Variants in FBRSL1 observed in about 807,000 individuals in gnomAD.
FBRSL1 encodes fibrosin-1-like protein.
FBRSL1 carries 51 observed loss-of-function variants against 89.6 expected under a neutral mutation model. The ratio of observed to expected loss-of-function variants is 0.57; its 90% CI spans 0.45 to 0.72. FBRSL1 has a LOEUF of 0.72. Among genes scored for constraint, FBRSL1 ranks in the 30% least tolerant of loss-of-function variants. The probability of loss-of-function intolerance (pLI) is 0.00; values close to 1 mark genes in which losing one functional copy is unlikely to be tolerated. For missense variants in FBRSL1, 1,618 were observed against 1,451.8 expected (o/e 1.11, Z -1.86); for synonymous variants, 779 against 681.1 (o/e 1.14, Z -2.24).
intron 5 of FBRSL1, among the ~76,000 whole-genome samples, chr12:132,564,324 TGA>T (rs2039406890): frequency 6.6e-6 from 1 of 152,172 alleles, no homozygotes; most frequent in Non-Finnish European, 1.5e-5. Context: ...GCTCCCACAG[TGA>T]GGACCTAGTA....
rs539563100 is a variant in FBRSL1, at chr12:132,525,618, G to T, written c.490-116G>T. The T allele has an allele frequency of 1.5e-5, 12 of 802,398 alleles. No homozygotes were observed. In the South Asian group the frequency reaches 1.8e-4, roughly 12 times the overall value. The allele number at this position is 802,398 out of a possible 1,614,324, so 49.7% of individuals were successfully genotyped here. A position where few individuals can be genotyped will look rare whatever the true frequency, so the allele number is the denominator to read the frequency against. On this transcript the variant is annotated intron_variant, in intron 2 of 18. Transcript: ENST00000680143. ...CAAAGCGCCCAGCGGCTGTCGGGGC[G>T]CCTGGGGCCGGGGTGCTGGGGTGCC...
Position 132,576,950 on chromosome 12 carries a change from C to G in FBRSL1, c.1834+19C>G. The G allele has an allele frequency of 1.3e-6, 2 of 1,542,392 alleles. No individual in the cohort carries two copies. The highest frequency in any genetic ancestry group is 1.8e-6 in the Non-Finnish European group (2 of 1,141,916). ...AGCACAGGTGAGACTGGAGTCGGGCCAGGTGGGGGGCACAGAAACCTCCCG... is the reference window on the plus strand; with the variant it reads ...AGCACAGGTGAGACTGGAGTCGGGCGAGGTGGGGGGCACAGAAACCTCCCG... On this transcript the variant is annotated intron_variant, in intron 15 of 18. Coordinates refer to ENST00000680143, the MANE Select transcript of FBRSL1 (RefSeq NM_001367871.1).
At position 132,564,077 on chromosome 12, in the gene FBRSL1, G is replaced by A. The variant is rs924172102; in HGVS notation, c.646-3404G>A. The stretch of plus-strand genomic sequence containing the variant: ...TCTTTGTGGTCTGGCTTTGGCTCCT[G>A]TGATGTTTCTGAGGCTCACAGAGCG... On this transcript the variant is annotated intron_variant, in intron 5 of 18. Coordinates refer to ENST00000680143, the MANE Select transcript of FBRSL1 (RefSeq NM_001367871.1). 9.2e-5 allele frequency among the ~76,000 whole-genome samples: 14 copies of A among 152,288 alleles called. No individual in the cohort carries two copies. In the South Asian group the frequency reaches 2.9e-3, roughly 32 times the overall value.
rs1250003049 is a variant in FBRSL1, at chr12:132,490,194, C to G, written c.-377C>G. 1 of 53,724 alleles carries G rather than the reference C, an allele frequency of 1.9e-5. No homozygotes were observed. Among genetic ancestry groups the G allele is most frequent in the Non-Finnish European group, 3.5e-5 (1 of 28,852 alleles). The allele number at this position is 53,724 out of a possible 1,614,324, so 3.3% of individuals were successfully genotyped here. ...GGGGCGCCGCCGCCGCCTCACGAGC[C>G]CGGTGCCCAGGAGCCCGGCCGCCTC... On this transcript the variant is annotated 5_prime_UTR_variant, in exon 1 of 19. Coordinates refer to ENST00000680143, the MANE Select transcript of FBRSL1 (RefSeq NM_001367871.1).
intron 4 of FBRSL1, among the ~76,000 whole-genome samples, chr12:132,547,107 T>C (rs538497847): frequency 6.6e-6 from 1 of 152,206 alleles, no homozygotes; most frequent in African/African-American, 2.4e-5. Flanking sequence ...TCGGGGGACA[T>C]TGCAGTCAGT....
intron 2 of FBRSL1, among the ~76,000 whole-genome samples, chr12:132,515,892 T>G (rs1384206968): frequency 9.6e-6 from 1 of 103,866 alleles, no homozygotes; most frequent in African/African-American, 4.0e-5. Context: ...AGAGTGAGAC[T>G]CCGTCTCAAA....
chr12:132,499,965 G>T lies in FBRSL1; in HGVS notation c.292-8188G>T, dbSNP rs531402295. On this transcript the variant is annotated intron_variant, in intron 1 of 18. Transcript: ENST00000680143. This position sits in a 1 kb window ranked among gnomAD's most constrained non-coding sequence, Gnocchi z 4.3. ...GAGCTGTGCTGGCGTCAGGGAGGAG[G>T]CTGGGTGGGCTACTGGGCTCTCCGC... is the stretch of plus-strand genomic sequence containing the variant. Among the ~76,000 whole-genome samples the T allele has an allele frequency of 2.0e-5, 3 of 152,246 alleles. No homozygotes were observed. The East Asian group carries it at 5.8e-4, about 29-fold the overall frequency.
At chr12:132,560,913 G>C (rs1233634987) in intron 5 of FBRSL1, among the ~76,000 whole-genome samples, 1 of 152,234 alleles carries the variant, frequency 6.6e-6, no homozygotes, top group African/African-American at 2.4e-5. Context: ...GGCCCCTGGG[G>C]CTGCCACCCC....
chr12:132,525,808 G>T lies in FBRSL1; in HGVS notation c.564G>T (p.Arg188=), dbSNP rs1453582407. ...DDSVLEATSS[R]DPLSDSSAHA... Reference sequence around the variant, plus strand: ...GCGTCCTCGAAGCCACCAGCTCCCGGGACCCGCTCAGCGATGTGAGTACCC... The same window carrying T: ...GCGTCCTCGAAGCCACCAGCTCCCGTGACCCGCTCAGCGATGTGAGTACCC... The change falls in exon 3 of 19, where the codon CGG becomes CGT. Residue 188 remains arginine (R), a synonymous_variant. Transcript: ENST00000680143. 1 of 1,549,500 alleles carries T rather than the reference G, an allele frequency of 6.5e-7. No homozygotes were observed. Among genetic ancestry groups the T allele is most frequent in the African/African-American group, 1.4e-5 (1 of 73,028 alleles).
chr12:132,560,813 C>T (rs9971653), intron 5 of FBRSL1, among the ~76,000 whole-genome samples: 24,236 of 152,200 alleles, frequency 0.16, 2,791 homozygotes, highest in East Asian at 0.4. Context: ...GAGTGATCCT[C>T]TACCCCACGC....
intron 4 of FBRSL1, among the ~76,000 whole-genome samples, chr12:132,530,815 C>A: frequency 6.6e-6 from 1 of 151,854 alleles, no homozygotes; most frequent in Non-Finnish European, 1.5e-5. Context: ...CCTGGGAGGA[C>A]CCTGAGGGCT....
intron 2 of FBRSL1, chr12:132,509,311 A>C: frequency 8.0e-7 from 1 of 1,248,056 alleles, no homozygotes; most frequent in Non-Finnish European, 1.0e-6. Flanking sequence ...GACCCTGGGC[A>C]GCCCTGCCAG....
chr12:132,527,193 C>A (rs1455325500), intron 3 of FBRSL1, among the ~76,000 whole-genome samples: 1 of 152,128 alleles, frequency 6.6e-6, no homozygotes, highest in Non-Finnish European at 1.5e-5. Context: ...AGCCAGGGCA[C>A]CCTCCCCAAA....
At chr12:132,493,447 G>A (rs2031449290) in intron 1 of FBRSL1, among the ~76,000 whole-genome samples, 1 of 152,204 alleles carries the variant, frequency 6.6e-6, no homozygotes, top group Admixed American at 6.5e-5. Context: ...CCTGCCTGCA[G>A]GAGTCCTGTT....
At chr12:132,569,778 C>G (rs2039881441) in intron 6 of FBRSL1, 148 bp from the exon 7 acceptor site, 4 of 560,954 alleles carry the variant, frequency 7.1e-6, no homozygotes, top group Non-Finnish European at 1.1e-5. Context: ...GCTGTGTGGC[C>G]TCCGTGCCTG....
At chr12:132,571,595 GAC>G (rs1317672912) in intron 9 of FBRSL1, 28 of 1,077,766 alleles carry the variant, frequency 2.6e-5, no homozygotes, top group South Asian at 4.7e-5. Flanking sequence ...GGCACACACA[GAC>G]ACACGCTCGC....
chr12:132,546,272 G>A lies in FBRSL1; in HGVS notation c.616-1731G>A, dbSNP rs2037677044. Among the ~76,000 whole-genome samples the A allele has an allele frequency of 6.6e-6, 1 of 152,258 alleles. No homozygotes were observed. Among genetic ancestry groups the A allele is most frequent in the Non-Finnish European group, 1.5e-5 (1 of 68,040 alleles). ...GAGATGGAGGACTCAGAGGCCCAGG[G>A]CCACCAGCAAAGCTGGTCTGCATGT... On this transcript the variant is annotated intron_variant, in intron 4 of 18. Coordinates refer to ENST00000680143, the MANE Select transcript of FBRSL1 (RefSeq NM_001367871.1). This position sits in a 1 kb window ranked among gnomAD's most constrained non-coding sequence, Gnocchi z 4.0.
intron 5 of FBRSL1, among the ~76,000 whole-genome samples, chr12:132,563,817 C>T (rs4992760): frequency 0.21 from 10,862 of 52,742 alleles, 1,769 homozygotes; most frequent in East Asian, 0.61. Flanking sequence ...CCTGAACCCC[C>T]GAGCTTGTGT....
At chr12:132,574,723 T>G (rs991439131) in intron 14 of FBRSL1, among the ~76,000 whole-genome samples, 159 bp downstream of exon 14, 1 of 152,078 alleles carries the variant, frequency 6.6e-6, no homozygotes, top group Non-Finnish European at 1.5e-5. Context: ...ACTGGGCTTT[T>G]ACCGTAAGCA....
Sources: gnomAD v4.1 joint callset for allele counts (sites outside exome capture counted in the v4.1 genomes callset) on GRCh38, gnomAD v4.1.1 for gene constraint, Gnocchi (gnomAD v3.1) non-coding constraint, MANE v1.5 for transcripts, NCBI Gene and HGNC (gene_info 2026-07-23, HGNC 2026-07-21) for gene names.